SLC7A1: variants seen among roughly 807,000 people sequenced by gnomAD.
The protein encoded by SLC7A1 is solute carrier family 7 member 1, also known as high affinity cationic amino acid transporter 1.
SLC7A1 carries 10 observed loss-of-function variants against 53.9 expected under a neutral mutation model. The observed-to-expected ratio is 0.19, with a 90% CI of 0.11 to 0.31. The LOEUF (loss-of-function observed/expected upper bound fraction) is 0.31. Ranked by LOEUF, SLC7A1 falls within the 10% of genes least tolerant of loss-of-function variation. The pLI, the probability that SLC7A1 is intolerant of heterozygous loss-of-function variation, is 1.00. For synonymous variants in SLC7A1, 342 were observed against 338.7 expected (o/e 1.01, Z -0.11); for missense variants, 525 against 827.2 (o/e 0.63, Z 4.48).
intron 1 of SLC7A1, among the ~76,000 whole-genome samples, chr13:29,576,810 A>G (rs280925): frequency 0.8 from 121,439 of 152,138 alleles, 50,573 homozygotes; most frequent in Middle Eastern, 0.94. Context: ...CTCGATTCTC[A>G]GACACCCTGG....
intron 1 of SLC7A1, among the ~76,000 whole-genome samples, chr13:29,587,182 G>C (rs1228000245): frequency 6.6e-6 from 1 of 152,222 alleles, no homozygotes; most frequent in Admixed American, 6.5e-5. Flanking sequence ...AGGTACAAAT[G>C]ATGGGGAGCT....
chr13:29,512,745 T>C lies in SLC7A1; in HGVS notation c.*1735A>G, dbSNP rs1334615933. On this transcript the variant is annotated 3_prime_UTR_variant, in exon 13 of 13. Transcript: ENST00000380752. The stretch of plus-strand genomic sequence containing the variant: ...TCCCTCTGGAACATTCAAAATGAGA[T>C]CAGAATAAAGCTCCCAGCAAGGTGA... The C allele has an allele frequency of 6.7e-6, 1 of 148,332 alleles. No individual in the cohort carries two copies. Among genetic ancestry groups the C allele is most frequent in the East Asian group, 1.9e-4 (1 of 5,182 alleles). 9.2% of individuals were successfully genotyped at this position (148,332 alleles called of 1,614,324 possible).
At chr13:29,551,204 G>A (rs1253304260) in intron 2 of SLC7A1, among the ~76,000 whole-genome samples, 2 of 152,226 alleles carry the variant, frequency 1.3e-5, no homozygotes, top group Non-Finnish European at 2.9e-5. Context: ...AAGCAAGCAA[G>A]TAACTGTTCA....
At chr13:29,524,467 G>A (rs111334376) in intron 5 of SLC7A1, among the ~76,000 whole-genome samples, 3,339 of 152,294 alleles carry the variant, frequency 0.022, 109 homozygotes, top group African/African-American at 0.077. Flanking sequence ...TCACAAGGGT[G>A]CAGAGTATCG....
At chr13:29,538,139 A>G (rs970369501) in intron 2 of SLC7A1, among the ~76,000 whole-genome samples, 2 of 152,214 alleles carry the variant, frequency 1.3e-5, no homozygotes, top group African/African-American at 4.8e-5. Flanking sequence ...ATCTGATCCT[A>G]TCCCTTTGTT....
chr13:29,580,230 G>C (rs189496957), intron 1 of SLC7A1, among the ~76,000 whole-genome samples: 1 of 152,144 alleles, frequency 6.6e-6, no homozygotes, highest in African/African-American at 2.4e-5. Flanking sequence ...CTGCTGAGGG[G>C]CCAGTGCATC....
intron 1 of SLC7A1, among the ~76,000 whole-genome samples, chr13:29,579,900 T>C (rs1179141212): frequency 1.3e-5 from 2 of 152,160 alleles, no homozygotes; most frequent in Non-Finnish European, 2.9e-5. Context: ...AAGTAACACT[T>C]CTCTACTAGA....
intron 9 of SLC7A1, among the ~76,000 whole-genome samples, 189 bp downstream of exon 9, chr13:29,519,258 C>T (rs1389797003): frequency 6.6e-6 from 1 of 152,158 alleles, no homozygotes; most frequent in Non-Finnish European, 1.5e-5. Context: ...TGAGGGGCCA[C>T]CCAACTCTTG....
At chr13:29,576,930 C>T (rs1200346085) in intron 1 of SLC7A1, among the ~76,000 whole-genome samples, 1 of 152,172 alleles carries the variant, frequency 6.6e-6, no homozygotes, top group Non-Finnish European at 1.5e-5. Context: ...AACACCTCTA[C>T]TCCTCTTCCC....
At chr13:29,580,428 G>A (rs1871594447) in intron 1 of SLC7A1, among the ~76,000 whole-genome samples, 23 of 152,086 alleles carry the variant, frequency 1.5e-4, no homozygotes, top group Non-Finnish European at 3.1e-4. Context: ...CTGCCTCCCC[G>A]TTTTGAGATC....
At chr13:29,569,670 A>T (rs1184780280) in intron 1 of SLC7A1, among the ~76,000 whole-genome samples, 2 of 152,226 alleles carry the variant, frequency 1.3e-5, no homozygotes, top group Non-Finnish European at 2.9e-5. Flanking sequence ...ACAACAACAC[A>T]TTGCACTATC....
intron 2 of SLC7A1, among the ~76,000 whole-genome samples, chr13:29,546,387 G>GGC (rs1470722356): frequency 6.6e-6 from 1 of 152,186 alleles, no homozygotes; most frequent in African/African-American, 2.4e-5. Context: ...TTAGAACACT[G>GGC]GCACTTTAAT....
Position 29,514,384 on chromosome 13 carries a change from G to T in SLC7A1, c.*96C>A, listed in dbSNP as rs1390155348. On this transcript the variant is annotated 3_prime_UTR_variant, in exon 13 of 13. Transcript: ENST00000380752. Reference sequence around the variant, plus strand: ...CTGCAGTGAGGGTGTGGACGCAGGTGGTTTCTGTTGCACTGGTGGGGAGGG... The same window carrying T: ...CTGCAGTGAGGGTGTGGACGCAGGTTGTTTCTGTTGCACTGGTGGGGAGGG... 6 of 812,364 alleles carry T rather than the reference G, an allele frequency of 7.4e-6. No homozygotes were observed. Among genetic ancestry groups the T allele is most frequent in the Non-Finnish European group, 1.2e-5 (6 of 489,458 alleles). 50.3% of individuals were successfully genotyped at this position (812,364 alleles called of 1,614,324 possible).
Position 29,520,087 on chromosome 13 carries a change from T to C in SLC7A1, c.1190-538A>G, listed in dbSNP as rs114499091. On this transcript the variant is annotated intron_variant, in intron 8 of 12. Transcript: ENST00000380752. Reference sequence around the variant, plus strand: ...CACTCACCATCCATCCATCAATCCATCTCATCCATCTGCCCATCTCCCATC... The same window carrying C: ...CACTCACCATCCATCCATCAATCCACCTCATCCATCTGCCCATCTCCCATC... 3.2e-3 allele frequency among the ~76,000 whole-genome samples: 493 copies of C among 152,014 alleles called. 2 individuals are homozygous for C. The highest frequency in any genetic ancestry group is 0.011 in the African/African-American group (465 of 41,468).
At chr13:29,543,485 A>G (rs280954) in intron 2 of SLC7A1, among the ~76,000 whole-genome samples, 149,565 of 152,336 alleles carry the variant, frequency 0.98, 73,487 homozygotes, top group East Asian at 1. Context: ...TCCCCGCCAC[A>G]CGCTTCTGCC....
At chr13:29,562,952 C>G (rs559292993) in intron 1 of SLC7A1, among the ~76,000 whole-genome samples, 1 of 152,328 alleles carries the variant, frequency 6.6e-6, no homozygotes, top group South Asian at 2.1e-4. Context: ...CATGATTCAT[C>G]CTTCCTTTGA....
At chr13:29,560,817 A>T (rs533842232) in intron 1 of SLC7A1, among the ~76,000 whole-genome samples, 2 of 152,320 alleles carry the variant, frequency 1.3e-5, no homozygotes, top group African/African-American at 4.8e-5. Flanking sequence ...GTATATTTAC[A>T]GTGGACACCT....
At chr13:29,567,688 AC>A (rs1871028614) in intron 1 of SLC7A1, among the ~76,000 whole-genome samples, 3 of 152,156 alleles carry the variant, frequency 2.0e-5, no homozygotes, top group Admixed American at 6.5e-5. Context: ...TGCAACCCGG[AC>A]AGTGCGGCAG....
intron 1 of SLC7A1, among the ~76,000 whole-genome samples, chr13:29,590,941 CAAAAAAT>C (rs1378989864): frequency 6.6e-6 from 1 of 151,764 alleles, no homozygotes; most frequent in African/African-American, 2.4e-5. Context: ...CCTTCTCTAC[CAAAAAAT>C]AAAAAATAAA....
Sources: gnomAD v4.1 joint callset for allele counts (sites outside exome capture counted in the v4.1 genomes callset) on GRCh38, gnomAD v4.1.1 for gene constraint, MANE v1.5 for transcripts, NCBI Gene and HGNC (gene_info 2026-07-23, HGNC 2026-07-21) for gene names.